DCP1B: variants seen among roughly 807,000 people sequenced by gnomAD.
DCP1B encodes the protein decapping mRNA 1B, also known as mRNA-decapping enzyme 1B.
Under a neutral mutation model 60.5 loss-of-function variants are expected in DCP1B, and 47 were observed. That is an observed-to-expected ratio of 0.78 (90% CI 0.61 to 0.99). DCP1B has a LOEUF of 0.99. DCP1B is among the 50% of genes least tolerant of loss of function. The pLI is 0.00. For missense variants in DCP1B, 725 were observed against 756.8 expected (o/e 0.96, Z 0.49); for synonymous variants, 267 against 280.3 (o/e 0.95, Z 0.47).
intron 3 of DCP1B, among the ~76,000 whole-genome samples, chr12:1,977,735 C>T (rs1284246596): frequency 6.6e-6 from 1 of 152,056 alleles, no homozygotes. Flanking sequence ...GCAGAGAAAA[C>T]GTTTTACAAA....
chr12:1,952,353 TTTA>T, intron 7 of DCP1B, 60 bp downstream of exon 7: 1 of 1,481,248 alleles, frequency 6.8e-7, no homozygotes, highest in Non-Finnish European at 9.0e-7. Flanking sequence ...TTTTTTTTTT[TTTA>T]GGGACAGGAT....
chr12:1,980,644 T>C (rs1019466866), intron 3 of DCP1B, among the ~76,000 whole-genome samples: 2 of 106,668 alleles, frequency 1.9e-5, no homozygotes, highest in Non-Finnish European at 4.3e-5. Context: ...TGCTTATAAG[T>C]GTCATTTTAA....
rs146792885 is a variant in DCP1B at position 2,004,196 on chromosome 12, C to G, written c.150+86G>C. The G allele has an allele frequency of 6.9e-4, 1,072 of 1,564,452 alleles. 2 individuals carry two copies. In the African/African-American group the frequency reaches 0.012, roughly 18 times the overall value. ...TCCAGGGCGTCAACGTCTCCTCCCC[C>G]TCACCGGGTCCTCAAGTCCTGAGTC... On this transcript the variant is annotated intron_variant, in intron 1 of 8. Transcript: ENST00000280665.
intron 5 of DCP1B, among the ~76,000 whole-genome samples, chr12:1,958,912 G>A (rs374706828): frequency 1.2e-4 from 14 of 117,720 alleles, no homozygotes; most frequent in Non-Finnish European, 6.9e-5. Context: ...GCTCCCCAAC[G>A]TCGCTCTGGG....
At chr12:1,970,100 C>T (rs550476617) in intron 3 of DCP1B, among the ~76,000 whole-genome samples, 3 of 152,216 alleles carry the variant, frequency 2.0e-5, no homozygotes, top group Admixed American at 6.5e-5. Flanking sequence ...AGGAATTAGG[C>T]TTTCGTAAGG....
At chr12:1,970,480 C>A (rs2031926849) in intron 3 of DCP1B, among the ~76,000 whole-genome samples, 1 of 152,122 alleles carries the variant, frequency 6.6e-6, no homozygotes, top group Non-Finnish European at 1.5e-5. Context: ...CAGAACTGGG[C>A]CTAACTTTCT....
At chr12:1,995,777 C>A (rs1206906777) in intron 2 of DCP1B, among the ~76,000 whole-genome samples, 1 of 152,200 alleles carries the variant, frequency 6.6e-6, no homozygotes, top group Non-Finnish European at 1.5e-5. Context: ...AACCATAAAC[C>A]CTCATCGGTT....
At chr12:1,943,326 A>G (rs1263628256), downstream of DCP1B, among the ~76,000 whole-genome samples, 3 of 152,080 alleles carry the variant, frequency 2.0e-5, no homozygotes, top group Non-Finnish European at 4.4e-5. Flanking sequence ...ACCCAGGACC[A>G]GATGGATTCA....
chr12:1,947,502 G>A (rs553258271), intron 8 of DCP1B, among the ~76,000 whole-genome samples: 8 of 152,294 alleles, frequency 5.3e-5, no homozygotes, highest in African/African-American at 1.7e-4. Flanking sequence ...TAAAATGCAC[G>A]CAGAGTGGAG....
intron 2 of DCP1B, among the ~76,000 whole-genome samples, chr12:1,996,639 AAAAAAAAAAAAAAAAACAAC>A (rs2040911122): frequency 5.1e-5 from 6 of 117,118 alleles, no homozygotes; most frequent in African/African-American, 1.0e-4. Flanking sequence ...AAAAAAAAAA[AAAAAAAAAAAAAAAAACAAC>A]AAACTCTTCT....
chr12:1,961,949 A>ACAGGAGAGTCT (rs2031141212), intron 5 of DCP1B, among the ~76,000 whole-genome samples: 5 of 152,272 alleles, frequency 3.3e-5, no homozygotes, highest in Middle Eastern at 6.8e-3. Flanking sequence ...GAGAGGAGAC[A>ACAGGAGAGTCT]CAGGAGAGTC....
intron 1 of DCP1B, among the ~76,000 whole-genome samples, chr12:2,002,797 T>C (rs1292657207): frequency 6.6e-6 from 1 of 152,152 alleles, no homozygotes. Flanking sequence ...AGCAGCAAAA[T>C]AGCCATATGT....
At chr12:1,975,945 A>G (rs1350903022) in intron 3 of DCP1B, among the ~76,000 whole-genome samples, 1 of 152,158 alleles carries the variant, frequency 6.6e-6, no homozygotes, top group Non-Finnish European at 1.5e-5. Flanking sequence ...GTTTACTCAC[A>G]CTGTGTATCT....
intron 3 of DCP1B, among the ~76,000 whole-genome samples, chr12:1,988,201 A>G (rs771158710): frequency 1.5e-4 from 23 of 152,200 alleles, no homozygotes; most frequent in Non-Finnish European, 3.1e-4. Context: ...TATTTCTACA[A>G]GCTACGTGTC....
At chr12:1,973,688 T>C (rs533654707) in intron 3 of DCP1B, among the ~76,000 whole-genome samples, 12 of 152,342 alleles carry the variant, frequency 7.9e-5, no homozygotes, top group African/African-American at 2.6e-4. Flanking sequence ...CCTAGTTTTA[T>C]TTGTTCCTTT....
chr12:1,942,884 G>T (rs1375700562), downstream of DCP1B, among the ~76,000 whole-genome samples: 3 of 152,154 alleles, frequency 2.0e-5, no homozygotes, highest in African/African-American at 7.2e-5. Context: ...ACAATTAAAA[G>T]AACTAGAGAA....
At chr12:1,978,243 C>G (rs1222793198) in intron 3 of DCP1B, among the ~76,000 whole-genome samples, 1 of 152,202 alleles carries the variant, frequency 6.6e-6, no homozygotes, top group East Asian at 1.9e-4. Flanking sequence ...TCTATTACCT[C>G]ACATTACTTG....
chr12:1,957,667 G>C (rs530015490), intron 5 of DCP1B, among the ~76,000 whole-genome samples: 2 of 152,232 alleles, frequency 1.3e-5, no homozygotes, highest in South Asian at 2.1e-4. Context: ...TTATTTTACT[G>C]TTCACTTGCA....
chr12:1,997,266 C>T (rs866038767), intron 2 of DCP1B, among the ~76,000 whole-genome samples: 6 of 152,194 alleles, frequency 3.9e-5, no homozygotes, highest in South Asian at 2.1e-4. Flanking sequence ...CGGTGGCTCA[C>T]GCCTGTAATC....
Sources: gnomAD v4.1 joint callset for allele counts (sites outside exome capture counted in the v4.1 genomes callset) on GRCh38, gnomAD v4.1.1 for gene constraint, MANE v1.5 for transcripts, NCBI Gene and HGNC (gene_info 2026-07-23, HGNC 2026-07-21) for gene names.